DNAAF1: variants seen among roughly 807,000 people sequenced by gnomAD.
The protein encoded by DNAAF1 is dynein assembly factor 1, axonemal.
A neutral mutation model predicts 71.1 loss-of-function variants in DNAAF1; 65 were observed. The ratio of observed to expected loss-of-function variants is 0.91; its 90% CI spans 0.75 to 1.12. The LOEUF (loss-of-function observed/expected upper bound fraction) is 1.12, where lower values mean the gene tolerates loss of function less well. Ranked by LOEUF, DNAAF1 falls within the 50% of genes most tolerant of loss-of-function variation. The pLI, the probability that DNAAF1 is intolerant of heterozygous loss-of-function variation, is 0.00. For missense variants in DNAAF1, 1,178 were observed against 899.8 expected (o/e 1.31, Z -3.96); for synonymous variants, 414 against 354.6 (o/e 1.17, Z -1.88).
chr16:84,158,646 G>C (rs1287251706), intron 5 of DNAAF1, among the ~76,000 whole-genome samples: 1 of 152,148 alleles, frequency 6.6e-6, no homozygotes, highest in Non-Finnish European at 1.5e-5. Context: ...ATTGCTGCCT[G>C]GGTGTATTGC....
chr16:84,159,188 T>C, intron 5 of DNAAF1: 1 of 1,001,500 alleles, frequency 1.0e-6, no homozygotes, highest in Admixed American at 5.5e-5. Flanking sequence ...AGAAGGGCCG[T>C]CCATCCTGCG....
chr16:84,150,329 T>C lies in DNAAF1; in HGVS notation c.339T>C (p.Tyr113=), dbSNP rs748288552. The stretch of plus-strand genomic sequence containing the variant: ...CCCCAGCATTGAATGATACGCTGTA[T>C]TTACACTTTAAAGGTAAGGACCTAA... ...YITPALNDTL[Y]LHFKGFDRIE... is the part of the protein sequence containing the mutation. Residue 113 remains tyrosine, a synonymous_variant, in exon 3 of 12, where the codon TAT becomes TAC. Transcript: ENST00000378553. 2.2e-5 allele frequency: 36 copies of C among 1,612,206 alleles called. No individual in the cohort carries two copies. The highest frequency in any genetic ancestry group is 2.9e-5 in the Non-Finnish European group (34 of 1,178,350).
At chr16:84,174,459 T>C in intron 9 of DNAAF1, 1 of 1,432,252 alleles carries the variant, frequency 7.0e-7, no homozygotes, top group Non-Finnish European at 9.1e-7. Flanking sequence ...TTCCCTTTCA[T>C]TTATTAGATC....
chr16:84,151,665 G>C (rs1260799427), intron 3 of DNAAF1, among the ~76,000 whole-genome samples: 2 of 152,194 alleles, frequency 1.3e-5, no homozygotes, highest in Admixed American at 1.3e-4. Flanking sequence ...CAGTTTCTGA[G>C]GGCCGGGAAC....
At chr16:84,156,903 A>G (rs1409458381) in intron 5 of DNAAF1, among the ~76,000 whole-genome samples, 1 of 122,036 alleles carries the variant, frequency 8.2e-6, no homozygotes, top group Non-Finnish European at 1.6e-5. Flanking sequence ...CCCAGGCTGG[A>G]GTGCAGTGGT....
At chr16:84,169,251 T>G (rs2088193713) in intron 7 of DNAAF1, among the ~76,000 whole-genome samples, 1 of 125,410 alleles carries the variant, frequency 8.0e-6, no homozygotes, top group African/African-American at 2.6e-5. Context: ...TATTATTTTT[T>G]TGTATTTTTT....
intron 4 of DNAAF1, among the ~76,000 whole-genome samples, chr16:84,155,159 T>C (rs567246239): frequency 2.2e-4 from 33 of 152,282 alleles, no homozygotes; most frequent in South Asian, 2.1e-3. Context: ...CCGCCCGCCT[T>C]GGCCTCCCAA....
intron 5 of DNAAF1, among the ~76,000 whole-genome samples, chr16:84,156,745 TGGTTCATGC>T (rs1209481755): frequency 6.6e-6 from 1 of 152,184 alleles, no homozygotes; most frequent in Non-Finnish European, 1.5e-5. Context: ...CGCCAACTAG[TGGTTCATGC>T]AGTTCATGCA....
rs2088640124 is a variant in DNAAF1, at chr16:84,176,128, G to C, written c.1894G>C (p.Asp632His). The change falls in exon 11 of 12, where the codon GAC (aspartate) becomes CAC (histidine). Residue 632 changes from aspartate to histidine, a missense_variant. By Grantham distance (81) the Asp-to-His change is moderately conservative. Coordinates refer to ENST00000378553, the MANE Select transcript of DNAAF1 (RefSeq NM_178452.6). ...CATCTTTAAAAAAGAAGCTAAGAGGGACTTGGAAATCCGAAAACAAGACAC... is the reference window on the plus strand; with the variant it reads ...CATCTTTAAAAAAGAAGCTAAGAGGCACTTGGAAATCCGAAAACAAGACAC... ...TDIFKKEAKR[D>H]LEIRKQDTKS... The C allele has an allele frequency of 6.2e-7, 1 of 1,613,918 alleles. No homozygotes were observed. The highest frequency in any genetic ancestry group is 8.5e-7 in the Non-Finnish European group (1 of 1,179,960).
In DNAAF1 at chr16:84,176,331, A is replaced by G. The variant is rs758113821; in HGVS notation, c.2065+32A>G. The G allele has an allele frequency of 2.5e-6, 4 of 1,612,402 alleles. No homozygotes were observed. In the Admixed American group the frequency reaches 6.7e-5, roughly 27 times the overall value. On this transcript the variant is annotated intron_variant, in intron 11 of 11. Coordinates refer to ENST00000378553, the MANE Select transcript of DNAAF1 (RefSeq NM_178452.6). ...GCGTGGGGCCGAGAGCACAGTGGAG[A>G]CAATGTTGGCTCCCCGGCCTGGGAT...
chr16:84,174,023 A>T (rs2088523176), intron 9 of DNAAF1: 1 of 191,968 alleles, frequency 5.2e-6, no homozygotes. Flanking sequence ...CCCTTCCTAC[A>T]ACTCTAAGCA....
In DNAAF1 at chr16:84,150,322, C is replaced by G; in HGVS notation, c.332C>G (p.Thr111Arg). The change falls in exon 3 of 12, where the codon ACG becomes AGG. Residue 111 changes from threonine (T) to arginine (R), a missense_variant. Thr to Arg is a moderately conservative substitution (Grantham distance 71). Transcript: ENST00000378553. The stretch of plus-strand genomic sequence containing the variant: ...TATATTACCCCAGCATTGAATGATA[C>G]GCTGTATTTACACTTTAAAGGTAAG... ...KLYITPALNDTLYLHFKGFDR... is the reference protein window; with the variant it reads ...KLYITPALNDRLYLHFKGFDR... 1 of 1,612,870 alleles carries G rather than the reference C, an allele frequency of 6.2e-7. No individual in the cohort carries two copies. The highest frequency in any genetic ancestry group is 1.1e-5 in the South Asian group (1 of 91,064).
chr16:84,149,164 T>C, intron 2 of DNAAF1, 22 bp downstream of exon 2: 3 of 1,613,500 alleles, frequency 1.9e-6, no homozygotes, highest in South Asian at 1.1e-5. Flanking sequence ...TACTCCTAAT[T>C]AGTGCACATT....
chr16:84,164,839 C>A (rs2087888282), intron 6 of DNAAF1, among the ~76,000 whole-genome samples: 1 of 152,136 alleles, frequency 6.6e-6, no homozygotes, highest in Admixed American at 6.6e-5. Context: ...AAGAATCCGC[C>A]ACACCATTTT....
rs555254741 is a variant in DNAAF1 at position 84,160,886 on chromosome 16, G to A, written c.863+1090G>A. Among the ~76,000 whole-genome samples the A allele has an allele frequency of 3.3e-5, 5 of 151,160 alleles. No individual in the cohort carries two copies. In the East Asian group the frequency reaches 9.8e-4, roughly 30 times the overall value. ...CGGGAGGCAGAGCTTGCAGTGAGCT[G>A]AGATCGCGCCACTGCACTCCAGCCT... On this transcript the variant is annotated intron_variant, in intron 6 of 11. Transcript: ENST00000378553.
At chr16:84,172,153 A>T (rs2151272499) in intron 8 of DNAAF1, 107 bp from the exon 9 acceptor site, 1 of 1,032,278 alleles carries the variant, frequency 9.7e-7, no homozygotes, top group Non-Finnish European at 1.5e-6. Flanking sequence ...TTGGGATTAC[A>T]GGCATGAGCC....
Position 84,172,268 on chromosome 16 carries a change from C to A in DNAAF1, c.1537C>A (p.Pro513Thr), listed in dbSNP as rs561606647. The change falls in exon 9 of 12, where the codon CCC (proline) becomes ACC (threonine). Residue 513 changes from proline (P) to threonine (T), a missense_variant. Physicochemically the swap from Pro to Thr is conservative, Grantham distance 38. Coordinates refer to ENST00000378553, the MANE Select transcript of DNAAF1 (RefSeq NM_178452.6). ...TTGTTGTTGCTCTTTAGAACCGACT[C>A]CCCAGGCTGTGGCCACTGAGGGTGT... ...PLGAAREEPT[P>T]QAVATEGVFV... 17 of 1,613,838 alleles carry A rather than the reference C, an allele frequency of 1.1e-5. No homozygotes were observed. The highest frequency in any genetic ancestry group is 2.2e-5 in the East Asian group (1 of 44,886).
intron 9 of DNAAF1, chr16:84,173,711 G>T (rs1036632795): frequency 1.0e-5 from 2 of 198,920 alleles, no homozygotes; most frequent in African/African-American, 2.4e-5. Context: ...AATAAAATTA[G>T]CTGGGCGTGG....
chr16:84,164,207 AC>A (rs143569366), intron 6 of DNAAF1, among the ~76,000 whole-genome samples: 15,999 of 152,158 alleles, frequency 0.11, 911 homozygotes, highest in South Asian at 0.28. Flanking sequence ...CCTATTTGTA[AC>A]GTCTTACATT....
Sources: gnomAD v4.1 joint callset for allele counts (sites outside exome capture counted in the v4.1 genomes callset) on GRCh38, gnomAD v4.1.1 for gene constraint, MANE v1.5 for transcripts, NCBI Gene and HGNC (gene_info 2026-07-23, HGNC 2026-07-21) for gene names.